FRYL: variants seen among roughly 807,000 people sequenced by gnomAD.
FRYL encodes the protein protein furry homolog-like.
Under a neutral mutation model 351.2 loss-of-function variants are expected in FRYL, and 150 were observed. The observed-to-expected ratio is 0.43, with a 90% CI of 0.37 to 0.49. The LOEUF is 0.49. Among genes scored for constraint, FRYL ranks in the 20% least tolerant of loss-of-function variants. The pLI is 0.00. For missense variants in FRYL, 3,036 were observed against 3,619.3 expected (o/e 0.84, Z 4.13); for synonymous variants, 1,153 against 1,257.1 (o/e 0.92, Z 1.75).
At chr4:48,622,081 G>C (rs1268796681) in intron 5 of FRYL, among the ~76,000 whole-genome samples, 1 of 151,964 alleles carries the variant, frequency 6.6e-6, no homozygotes, top group African/African-American at 2.4e-5. Flanking sequence ...ATACCACACA[G>C]AGCTTTTTAT....
At chr4:48,754,949 G>A (rs1185716539) in intron 1 of FRYL, among the ~76,000 whole-genome samples, 3 of 152,078 alleles carry the variant, frequency 2.0e-5, no homozygotes, top group African/African-American at 4.8e-5. Context: ...GCCCTGAATC[G>A]TTTTCAATTG....
At chr4:48,688,666 T>C in intron 2 of FRYL, among the ~76,000 whole-genome samples, 1 of 143,580 alleles carries the variant, frequency 7.0e-6, no homozygotes, top group African/African-American at 2.6e-5. Context: ...CAATTTTTTT[T>C]TTTTTTTTTT....
intron 2 of FRYL, among the ~76,000 whole-genome samples, chr4:48,708,447 A>T (rs1288009284): frequency 6.6e-6 from 1 of 152,116 alleles, no homozygotes; most frequent in Non-Finnish European, 1.5e-5. Flanking sequence ...AGCCTGGGTG[A>T]CAGTGAGACT....
At chr4:48,577,714 A>T (rs1197407060) in intron 23 of FRYL, among the ~76,000 whole-genome samples, 1 of 152,050 alleles carries the variant, frequency 6.6e-6, no homozygotes, top group African/African-American at 2.4e-5. Context: ...ATCTTTATTT[A>T]AAAAGTAACA....
intron 39 of FRYL, 125 bp from the exon 40 acceptor site, chr4:48,548,918 A>G: frequency 1.7e-6 from 1 of 590,304 alleles, no homozygotes; most frequent in Non-Finnish European, 3.0e-6. Flanking sequence ...TATCAAGGAA[A>G]AAGGAGGAAA....
At chr4:48,692,480 C>A (rs1401781785) in intron 2 of FRYL, among the ~76,000 whole-genome samples, 2 of 152,060 alleles carry the variant, frequency 1.3e-5, no homozygotes, top group Non-Finnish European at 2.9e-5. Flanking sequence ...GCAACCTCCA[C>A]CTCCCAAGTT....
At chr4:48,614,143 A>G (rs111283537) in intron 7 of FRYL, among the ~76,000 whole-genome samples, 75 of 152,264 alleles carry the variant, frequency 4.9e-4, no homozygotes, top group African/African-American at 1.6e-3. Context: ...TAAAAAATAC[A>G]TAAGTTCTAA....
intron 3 of FRYL, among the ~76,000 whole-genome samples, chr4:48,655,525 A>T (rs936114769): frequency 6.6e-6 from 1 of 151,844 alleles, no homozygotes; most frequent in African/African-American, 2.4e-5. Flanking sequence ...TACAGAAACT[A>T]GTTAAATTTT....
At chr4:48,582,347 G>A in intron 20 of FRYL, 150 bp downstream of exon 20, 3 of 613,180 alleles carry the variant, frequency 4.9e-6, no homozygotes, top group Non-Finnish European at 8.7e-6. Context: ...GGAACTATGG[G>A]AAAGTTCAGT....
At chr4:48,774,520 T>G (rs1213289840) in intron 1 of FRYL, among the ~76,000 whole-genome samples, 8 of 152,162 alleles carry the variant, frequency 5.3e-5, no homozygotes, top group African/African-American at 1.4e-4. Flanking sequence ...GTTAAAAATA[T>G]TTCACACTGA....
At chr4:48,578,884 A>C (rs1740255345) in intron 23 of FRYL, 89 bp downstream of exon 23, 1 of 1,157,128 alleles carries the variant, frequency 8.6e-7, no homozygotes, top group African/African-American at 1.6e-5. Context: ...GGGCCTTCCA[A>C]TCTGTAATAC....
At chr4:48,641,561 C>A (rs1484673014) in intron 3 of FRYL, among the ~76,000 whole-genome samples, 4 of 152,052 alleles carry the variant, frequency 2.6e-5, no homozygotes, top group African/African-American at 7.2e-5. Context: ...AATGGCTTAA[C>A]GACTGGCTCG....
At chr4:48,767,402 C>T (rs933261707) in intron 1 of FRYL, among the ~76,000 whole-genome samples, 1 of 152,164 alleles carries the variant, frequency 6.6e-6, no homozygotes, top group Admixed American at 6.5e-5. Context: ...CTGGGGATTA[C>T]AATTCGACAT....
intron 1 of FRYL, among the ~76,000 whole-genome samples, chr4:48,749,214 G>T (rs773131533): frequency 6.6e-6 from 1 of 152,124 alleles, no homozygotes; most frequent in Admixed American, 6.5e-5. Context: ...GAATCACTCC[G>T]GCTACTGAAA....
chr4:48,630,309 GA>G (rs1487311368), intron 4 of FRYL, among the ~76,000 whole-genome samples: 2 of 152,096 alleles, frequency 1.3e-5, no homozygotes, highest in Non-Finnish European at 2.9e-5. Flanking sequence ...AAAACCAGCA[GA>G]AAAATGCAGT....
rs763254240 is a variant in FRYL, at chr4:48,595,636, T to C, written c.1202A>G (p.Asp401Gly). 3.1e-6 allele frequency: 5 copies of C among 1,613,152 alleles called. No individual in the cohort carries two copies. The highest frequency in any genetic ancestry group is 1.3e-5 in the African/African-American group (1 of 74,894). ...PKGSRSVVPR[D>G]TPLNIFVKII... ...CTTCACAAATATATTGAGAGGTGTG[T>C]CACGAGGAACCACACTTCGTGAGCC... Residue 401 changes from aspartate (D) to glycine (G), a missense_variant, in exon 15 of 64, where the codon GAC becomes GGC. Transcript: ENST00000358350.
chr4:48,746,852 G>A (rs1236134020), intron 1 of FRYL, among the ~76,000 whole-genome samples: 4 of 152,170 alleles, frequency 2.6e-5, no homozygotes, highest in Non-Finnish European at 5.9e-5. Context: ...CCCAGGCCAG[G>A]TGCTAGACAT....
intron 60 of FRYL, 102 bp downstream of exon 60, chr4:48,505,445 T>C (rs1191510375): frequency 1.3e-6 from 1 of 743,826 alleles, no homozygotes; most frequent in Non-Finnish European, 2.4e-6. Flanking sequence ...TTTACAAATA[T>C]TCTTTATTTT....
intron 3 of FRYL, among the ~76,000 whole-genome samples, chr4:48,635,027 G>A (rs1175457130): frequency 6.6e-6 from 1 of 152,092 alleles, no homozygotes; most frequent in Non-Finnish European, 1.5e-5. Flanking sequence ...AAAGCACCAG[G>A]AACAGAAAAC....
Sources: allele counts gnomAD v4.1 joint callset (sites outside exome capture counted in the v4.1 genomes callset), GRCh38; gene constraint gnomAD v4.1.1; transcripts MANE v1.5; gene names NCBI Gene and HGNC (gene_info 2026-07-23, HGNC 2026-07-21).